PIEZO1: variants seen among roughly 807,000 people sequenced by gnomAD.
PIEZO1 encodes the protein piezo type mechanosensitive ion channel component 1 (Er blood group), also known as piezo-type mechanosensitive ion channel component 1.
In PIEZO1, 296 loss-of-function variants were observed where a neutral mutation model predicts 297.2. That is an observed-to-expected ratio of 1.00 (90% confidence interval 0.91 to 1.10). The LOEUF is 1.10. Ranked by LOEUF, PIEZO1 falls within the 50% of genes least tolerant of loss-of-function variation. The pLI is 0.00. For synonymous variants in PIEZO1, 2,427 were observed against 1,507.5 expected, an observed-to-expected ratio of 1.61 and a Z score of -14.13; for missense variants, 5,018 against 3,455.5, an observed-to-expected ratio of 1.45 and a Z score of -11.34.
chr16:88,775,710 C>CAGAATAA (rs1461742583), intron 1 of PIEZO1, among the ~76,000 whole-genome samples: 1 of 110,612 alleles, frequency 9.0e-6, no homozygotes, highest in Non-Finnish European at 1.8e-5. Context: ...GCCTGGGTGG[C>CAGAATAA]AGAATAAGAC....
chr16:88,715,476 C>T lies in PIEZO1; in HGVS notation c.*129G>A. 1 of 1,060,586 alleles carries T rather than the reference C, an allele frequency of 9.4e-7. No homozygotes were observed. Among genetic ancestry groups the T allele is most frequent in the South Asian group, 1.6e-5 (1 of 64,504 alleles). The allele number at this position is 1,060,586 out of a possible 1,614,324, so 65.7% of individuals were successfully genotyped here. The stretch of plus-strand genomic sequence containing the variant: ...ACAGCAGCATCAGGGCTCAGGCAGG[C>T]CGGGAGGATGCATCACAGCTGGCGG... On this transcript the variant is annotated 3_prime_UTR_variant, in exon 51 of 51. Transcript: ENST00000301015.
intron 44 of PIEZO1, chr16:88,717,435 C>A: frequency 4.7e-6 from 3 of 635,098 alleles, no homozygotes; most frequent in Non-Finnish European, 5.7e-6. Flanking sequence ...GAGCTGTGAC[C>A]GTTCAGTGGG....
chr16:88,715,463 G>C lies in PIEZO1; in HGVS notation c.*142C>G. On this transcript the variant is annotated 3_prime_UTR_variant, in exon 51 of 51. Coordinates refer to ENST00000301015, the MANE Select transcript of PIEZO1 (RefSeq NM_001142864.4). ...GTGTCCTTCTCTGACAGCAGCATCA[G>C]GGCTCAGGCAGGCCGGGAGGATGCA... is the stretch of plus-strand genomic sequence containing the variant. 2.0e-6 allele frequency: 2 copies of C among 1,003,180 alleles called. No homozygotes were observed. The highest frequency in any genetic ancestry group is 3.2e-5 in the South Asian group (2 of 62,112). 62.1% of individuals were successfully genotyped at this position (1,003,180 alleles called of 1,614,324 possible).
chr16:88,720,773 C>A, intron 39 of PIEZO1, 25 bp from the exon 40 acceptor site: 4 of 1,459,204 alleles, frequency 2.7e-6, no homozygotes, highest in Non-Finnish European at 3.6e-6. Context: ...TGACTTCTGC[C>A]TGGGCCCCCT....
rs1033640053 is a variant in PIEZO1 at position 88,721,578 on chromosome 16, A to C, written c.5363T>G (p.Val1788Gly). ...GTGGAAGAAAAGGGCCATGAGCTGC[A>C]CCAGGTCGTACTTGATGTAGCCGTC... is the stretch of plus-strand genomic sequence containing the variant. ...KTDGYIKYDL[V>G]QLMALFFHRS... Residue 1788 changes from valine to glycine, a missense_variant, in exon 38 of 51, where the codon GTG becomes GGG. By Grantham distance (109) the Val-to-Gly change is moderately radical (BLOSUM62 -3). Coordinates refer to ENST00000301015, the MANE Select transcript of PIEZO1 (RefSeq NM_001142864.4). 3 of 1,550,196 alleles carry C rather than the reference A, an allele frequency of 1.9e-6. No individual in the cohort carries two copies. Among genetic ancestry groups the C allele is most frequent in the South Asian group, 2.4e-5 (2 of 84,042 alleles).
At chr16:88,757,266 G>A (rs1172321201) in intron 1 of PIEZO1, among the ~76,000 whole-genome samples, 1 of 148,838 alleles carries the variant, frequency 6.7e-6, no homozygotes. Flanking sequence ...CGAGAGAGCT[G>A]GCAGCGCAGC....
intron 1 of PIEZO1, 104 bp downstream of exon 1, chr16:88,784,797 T>G (rs1908102788): frequency 2.4e-6 from 2 of 817,858 alleles, no homozygotes; most frequent in Admixed American, 4.5e-5. Context: ...CCGCGCCCGC[T>G]CGCCCGCAGC....
At chr16:88,768,307 C>A (rs1907266719) in intron 1 of PIEZO1, among the ~76,000 whole-genome samples, 1 of 152,228 alleles carries the variant, frequency 6.6e-6, no homozygotes, top group Non-Finnish European at 1.5e-5. Context: ...CCCACCACGG[C>A]AGGCCGGCTC....
Position 88,716,609 on chromosome 16 carries a change from G to C in PIEZO1, c.6876C>G (p.Leu2292=), listed in dbSNP as rs768557938. The C allele has an allele frequency of 7.7e-6, 12 of 1,549,862 alleles. No individual in the cohort carries two copies. The highest frequency in any genetic ancestry group is 9.6e-6 in the Non-Finnish European group (11 of 1,146,808). ...GGGTGATGTCGGCCGTGCCGTTGTAGAGCTCCCGCTTCATCTGGGCACGGC... is the reference window on the plus strand; with the variant it reads ...GGGTGATGTCGGCCGTGCCGTTGTACAGCTCCCGCTTCATCTGGGCACGGC... ...PPSRAQMKRE[L]YNGTADITLR... is the part of the protein sequence containing the mutation. Residue 2292 remains leucine (L), a synonymous_variant, in exon 47 of 51, where the codon CTC becomes CTG. Coordinates refer to ENST00000301015, the MANE Select transcript of PIEZO1 (RefSeq NM_001142864.4).
At chr16:88,743,134 C>G (rs1441261368) in intron 2 of PIEZO1, 1 of 456,344 alleles carries the variant, frequency 2.2e-6, no homozygotes, top group Non-Finnish European at 4.4e-6. Flanking sequence ...CTCCCAGCTG[C>G]CTGTGGCCCC....
At chr16:88,775,893 C>G (rs1907639235) in intron 1 of PIEZO1, among the ~76,000 whole-genome samples, 1 of 152,180 alleles carries the variant, frequency 6.6e-6, no homozygotes, top group Admixed American at 6.5e-5. Context: ...GGAGACTCCT[C>G]AGAAGAAGGC....
Position 88,736,281 on chromosome 16 carries a change from A to T in PIEZO1, c.1424T>A (p.Met475Lys), listed in dbSNP as rs1444841178. The T allele has an allele frequency of 6.5e-7, 1 of 1,550,224 alleles. No homozygotes were observed. The highest frequency in any genetic ancestry group is 2.0e-5 in the Admixed American group (1 of 51,006). ...CACGTAGCGTAGGCAGCACAGCGTCATCCCATACAGCAGGATGCAGGGCGA... is the reference window on the plus strand; with the variant it reads ...CACGTAGCGTAGGCAGCACAGCGTCTTCCCATACAGCAGGATGCAGGGCGA... ...LCSPCILLYG[M>K]TLCCLRYVWA... is the part of the protein sequence containing the mutation. Residue 475 changes from methionine (M) to lysine (K), a missense_variant, in exon 12 of 51, where the codon ATG becomes AAG. Physicochemically the swap from Met to Lys is moderately conservative, Grantham distance 95. Transcript: ENST00000301015.
At chr16:88,727,702 C>A in intron 22 of PIEZO1, 41 bp from the exon 23 acceptor site, 1 of 1,089,234 alleles carries the variant, frequency 9.2e-7, no homozygotes. Context: ...CCGGGCCTGC[C>A]TGGGGCCTGA....
intron 2 of PIEZO1, among the ~76,000 whole-genome samples, chr16:88,748,654 C>A (rs887647513): frequency 2.0e-5 from 3 of 152,182 alleles, no homozygotes; most frequent in Non-Finnish European, 4.4e-5. Context: ...CCCATCCACT[C>A]CCTGTGGCCT....
intron 35 of PIEZO1, 65 bp downstream of exon 35, chr16:88,722,518 G>C (rs1904287289): frequency 7.0e-7 from 1 of 1,435,282 alleles, no homozygotes. Flanking sequence ...CGAGGGTCGG[G>C]GATGGCTAGG....
At chr16:88,741,270 G>C (rs937962835) in intron 5 of PIEZO1, 2 of 527,362 alleles carry the variant, frequency 3.8e-6, no homozygotes, top group African/African-American at 1.9e-5. Context: ...TCTGACTAGA[G>C]GCAGAGCCCG....
intron 1 of PIEZO1, among the ~76,000 whole-genome samples, chr16:88,770,037 A>G (rs1191067058): frequency 6.6e-6 from 1 of 152,148 alleles, no homozygotes; most frequent in African/African-American, 2.4e-5. Flanking sequence ...AGAGGAAGTG[A>G]GGGACTGTTG....
intron 1 of PIEZO1, among the ~76,000 whole-genome samples, chr16:88,758,953 G>A (rs1477239234): frequency 2.0e-5 from 3 of 152,066 alleles, no homozygotes; most frequent in Non-Finnish European, 4.4e-5. Context: ...CACATGTCTA[G>A]GATGGACAAA....
At chr16:88,784,165 G>C (rs1216515400) in intron 1 of PIEZO1, among the ~76,000 whole-genome samples, 1 of 152,256 alleles carries the variant, frequency 6.6e-6, no homozygotes. Context: ...AGGGAACACA[G>C]ATGCCAGGAC....
Sources: allele counts gnomAD v4.1 joint callset (sites outside exome capture counted in the v4.1 genomes callset), GRCh38; gene constraint gnomAD v4.1.1; transcripts MANE v1.5; gene names NCBI Gene and HGNC (gene_info 2026-07-23, HGNC 2026-07-21).